The following SCAPER variants were observed in gnomAD, a reference collection of about 807,000 sequenced individuals.
SCAPER encodes S phase cyclin A-associated protein in the endoplasmic reticulum.
Under a neutral mutation model 182.2 loss-of-function variants are expected in SCAPER, and 98 were observed. The observed-to-expected ratio is 0.54, with a 90% CI of 0.46 to 0.64. The LOEUF is 0.64. Ranked by LOEUF, SCAPER falls within the 30% of genes least tolerant of loss-of-function variation. SCAPER has a pLI of 0.00. For missense variants in SCAPER, 1,432 were observed against 1,690.0 expected, an observed-to-expected ratio of 0.85 and a Z score of 2.68; for synonymous variants, 605 against 564.6, an observed-to-expected ratio of 1.07 and a Z score of -1.01.
chr15:76,861,577 C>T (rs1202760490), intron 3 of SCAPER, among the ~76,000 whole-genome samples: 2 of 152,080 alleles, frequency 1.3e-5, no homozygotes, highest in African/African-American at 4.8e-5. Flanking sequence ...CTTCACACTG[C>T]CTCTAGCCAT....
At chr15:76,831,531 C>T (rs1598975980) in intron 5 of SCAPER, among the ~76,000 whole-genome samples, 1 of 150,196 alleles carries the variant, frequency 6.7e-6, no homozygotes, top group Non-Finnish European at 1.5e-5. Flanking sequence ...TGTTGGTGTA[C>T]ACCAACCCCT....
At chr15:76,591,817 T>G (rs2049134920) in intron 22 of SCAPER, among the ~76,000 whole-genome samples, 1 of 152,206 alleles carries the variant, frequency 6.6e-6, no homozygotes, top group Non-Finnish European at 1.5e-5. Context: ...CCCAGTACTT[T>G]GGGAGGCCAA....
chr15:76,511,843 A>ATGTGTGTG lies in SCAPER; in HGVS notation c.2839-6877_2839-6870dup, dbSNP rs1555461783. On this transcript the variant is annotated intron_variant, in intron 23 of 31. Transcript: ENST00000563290. ...AGATACACTTATTATATATATATAT[A>ATGTGTGTG]TGTGTGTGTGTGTGTGTGTGTGTGT... is the stretch of plus-strand genomic sequence containing the variant. Among the ~76,000 whole-genome samples the ATGTGTGTG allele has an allele frequency of 5.6e-3, 695 of 123,196 alleles. 3 individuals are homozygous for ATGTGTGTG. Among genetic ancestry groups the ATGTGTGTG allele is most frequent in the Middle Eastern group, 0.012 (3 of 250 alleles). 80.8% of individuals were successfully genotyped at this position (123,196 alleles called of 152,430 possible).
chr15:76,627,565 T>C (rs1048602036), intron 21 of SCAPER, among the ~76,000 whole-genome samples: 2 of 152,186 alleles, frequency 1.3e-5, no homozygotes, highest in Non-Finnish European at 2.9e-5. Context: ...GTTCCTGTGT[T>C]AGTTTGCTGA....
intron 26 of SCAPER, among the ~76,000 whole-genome samples, chr15:76,405,978 G>A (rs938959366): frequency 3.9e-5 from 6 of 152,000 alleles, no homozygotes; most frequent in African/African-American, 7.3e-5. Context: ...TTTTACATTA[G>A]ACTATGTATC....
chr15:76,532,329 C>G (rs980832163), intron 23 of SCAPER, among the ~76,000 whole-genome samples: 1 of 151,516 alleles, frequency 6.6e-6, no homozygotes, highest in Admixed American at 6.6e-5. Flanking sequence ...CCCCTCCCCT[C>G]CCCTTCCTTC....
At chr15:76,557,849 A>C (rs185536210) in intron 23 of SCAPER, among the ~76,000 whole-genome samples, 245 of 152,326 alleles carry the variant, frequency 1.6e-3, no homozygotes, top group Non-Finnish European at 2.2e-3. Flanking sequence ...AAAGCTGCTC[A>C]CCTACAGCCA....
At chr15:76,594,528 G>C (rs1427760970) in intron 22 of SCAPER, among the ~76,000 whole-genome samples, 1 of 121,086 alleles carries the variant, frequency 8.3e-6, no homozygotes, top group African/African-American at 2.5e-5. Context: ...ATAATCATCA[G>C]ATTCACCAAG....
intron 22 of SCAPER, among the ~76,000 whole-genome samples, chr15:76,607,924 T>G (rs2050599786): frequency 6.6e-6 from 1 of 152,162 alleles, no homozygotes; most frequent in African/African-American, 2.4e-5. Context: ...TCGTCTAATT[T>G]TTTTTCAAAG....
At chr15:76,403,516 T>A (rs2044614560) in intron 27 of SCAPER, among the ~76,000 whole-genome samples, 1 of 152,188 alleles carries the variant, frequency 6.6e-6, no homozygotes, top group Non-Finnish European at 1.5e-5. Flanking sequence ...CTAAAAAATG[T>A]TGAGGATGTT....
intron 21 of SCAPER, among the ~76,000 whole-genome samples, chr15:76,657,588 C>CAAAAAAAAAAAAA (rs35243291): frequency 4.6e-5 from 6 of 129,726 alleles, no homozygotes; most frequent in African/African-American, 5.9e-5. Context: ...GACACAACAA[C>CAAAAAAAAAAAAA]AAAAAAAAAA....
intron 21 of SCAPER, among the ~76,000 whole-genome samples, chr15:76,653,084 A>G (rs896930219): frequency 1.3e-5 from 2 of 152,196 alleles, no homozygotes; most frequent in Non-Finnish European, 2.9e-5. Context: ...ATCTAGGCTG[A>G]GCGTAAAATC....
At chr15:76,524,192 C>G (rs1016363635) in intron 23 of SCAPER, among the ~76,000 whole-genome samples, 1 of 151,986 alleles carries the variant, frequency 6.6e-6, no homozygotes, top group Non-Finnish European at 1.5e-5. Context: ...AAAACAAAAA[C>G]AAAAATTCAG....
At chr15:76,483,295 CAAAA>C (rs61261703) in intron 24 of SCAPER, among the ~76,000 whole-genome samples, 4 of 133,018 alleles carry the variant, frequency 3.0e-5, no homozygotes, top group African/African-American at 2.8e-5. Context: ...TATTCACATG[CAAAA>C]AAAAAAAAAA....
chr15:76,689,927 A>G (rs1041623022), intron 20 of SCAPER, among the ~76,000 whole-genome samples: 1 of 142,976 alleles, frequency 7.0e-6, no homozygotes, highest in African/African-American at 2.6e-5. Context: ...ACTCAAAGTA[A>G]AAAAAAAAAA....
intron 29 of SCAPER, among the ~76,000 whole-genome samples, chr15:76,356,762 C>T (rs2040988196): frequency 6.6e-6 from 1 of 152,192 alleles, no homozygotes; most frequent in Non-Finnish European, 1.5e-5. Context: ...TCCCACAGAG[C>T]TTCCTTCCAG....
At chr15:76,884,561 T>G (rs555616652) in intron 1 of SCAPER, among the ~76,000 whole-genome samples, 3 of 152,196 alleles carry the variant, frequency 2.0e-5, no homozygotes, top group Admixed American at 6.5e-5. Flanking sequence ...TAACTCTGTA[T>G]GAAGAGTCAG....
chr15:76,471,017 T>C (rs1433086110), intron 25 of SCAPER, 195 bp downstream of exon 25: 1 of 410,368 alleles, frequency 2.4e-6, no homozygotes, highest in African/African-American at 2.1e-5. Context: ...AAGAATCCAA[T>C]GCAAAAATTT....
chr15:76,866,850 A>C (rs1405909094), intron 2 of SCAPER, among the ~76,000 whole-genome samples: 1 of 152,100 alleles, frequency 6.6e-6, no homozygotes, highest in Non-Finnish European at 1.5e-5. Flanking sequence ...TTTTTAACCT[A>C]GGTTCTTTTC....
Sources: gnomAD v4.1 joint callset for allele counts (sites outside exome capture counted in the v4.1 genomes callset) on GRCh38, gnomAD v4.1.1 for gene constraint, MANE v1.5 for transcripts, NCBI Gene and HGNC (gene_info 2026-07-23, HGNC 2026-07-21) for gene names.